The following DPP6 variants were observed in gnomAD, a reference collection of about 807,000 sequenced individuals.
The protein encoded by DPP6 is dipeptidyl peptidase like 6.
Under a neutral mutation model 122.6 loss-of-function variants are expected in DPP6, and 69 were observed. That is an observed-to-expected ratio of 0.56 (90% CI 0.46 to 0.69). The LOEUF (loss-of-function observed/expected upper bound fraction) is 0.69. DPP6 is among the 30% of genes least tolerant of loss of function. The probability of loss-of-function intolerance (pLI) is 0.00; values close to 1 mark genes in which losing one functional copy is unlikely to be tolerated. For synonymous variants in DPP6, 418 were observed against 433.1 expected, an observed-to-expected ratio of 0.97 and a Z score of 0.43; for missense variants, 928 against 1,116.9, an observed-to-expected ratio of 0.83 and a Z score of 2.41.
At chr7:154,345,798 C>T (rs1478370649) in intron 1 of DPP6, among the ~76,000 whole-genome samples, 1 of 152,204 alleles carries the variant, frequency 6.6e-6, no homozygotes, top group African/African-American at 2.4e-5. Flanking sequence ...CCTGTCTGTG[C>T]TACCCCTTGC....
At chr7:154,285,497 TC>T (rs1363777914) in intron 1 of DPP6, among the ~76,000 whole-genome samples, 1 of 152,216 alleles carries the variant, frequency 6.6e-6, no homozygotes, top group Admixed American at 6.5e-5. Flanking sequence ...ACTCCTGACT[TC>T]AGGTGATCTG....
intron 5 of DPP6, among the ~76,000 whole-genome samples, chr7:154,568,552 T>A (rs1217157915): frequency 6.6e-6 from 1 of 152,180 alleles, no homozygotes; most frequent in Non-Finnish European, 1.5e-5. Context: ...AGTGGTGCTG[T>A]GGTTCTGTGC....
chr7:154,154,723 G>A (rs1796594075), intron 1 of DPP6, among the ~76,000 whole-genome samples: 1 of 152,168 alleles, frequency 6.6e-6, no homozygotes, highest in Admixed American at 6.6e-5. Context: ...CCTAAGAAAT[G>A]GCCATAGAAT....
At chr7:154,427,277 A>G (rs957951530) in intron 1 of DPP6, among the ~76,000 whole-genome samples, 1 of 152,188 alleles carries the variant, frequency 6.6e-6, no homozygotes, top group Non-Finnish European at 1.5e-5. Context: ...AAAAAGCTTG[A>G]GATTAAGTGA....
intron 1 of DPP6, among the ~76,000 whole-genome samples, chr7:154,087,144 T>C (rs4067524): frequency 0.62 from 92,703 of 149,464 alleles, 29,062 homozygotes; most frequent in South Asian, 0.68. Flanking sequence ...AGAACATTGT[T>C]CATGCAAAGG....
In DPP6 at chr7:154,612,289, C is replaced by T. The variant is rs757578883; in HGVS notation, c.628-25532C>T. Among the ~76,000 whole-genome samples, 3 of 152,208 alleles carry T rather than the reference C, an allele frequency of 2.0e-5. No individual in the cohort carries two copies. The East Asian group carries it at 5.8e-4, about 29-fold the overall frequency. ...ACAGAGCAGTTCTGTCATGAGGACC[C>T]CTCGTGATACTCTGACAGCCACAGC... On this transcript the variant is annotated intron_variant, in intron 5 of 25. Transcript: ENST00000377770.
chr7:154,582,814 G>A (rs751116608), intron 5 of DPP6, among the ~76,000 whole-genome samples: 8 of 152,152 alleles, frequency 5.3e-5, no homozygotes, highest in Admixed American at 2.0e-4. Context: ...TCACTCTTCC[G>A]TGTGTCTCCC....
At chr7:154,762,680 GAGA>G (rs1325872155) in intron 8 of DPP6, among the ~76,000 whole-genome samples, 3 of 152,238 alleles carry the variant, frequency 2.0e-5, no homozygotes, top group African/African-American at 7.2e-5. Context: ...CTGTAGAAAA[GAGA>G]AGGCTTCCTG....
chr7:154,647,549 G>A (rs993542419), intron 6 of DPP6, among the ~76,000 whole-genome samples: 44 of 152,154 alleles, frequency 2.9e-4, no homozygotes, highest in African/African-American at 1.0e-3. Flanking sequence ...TCCACATCAA[G>A]GGGCACCAGA....
At chr7:154,720,372 A>G (rs1162130550) in intron 7 of DPP6, among the ~76,000 whole-genome samples, 2 of 152,240 alleles carry the variant, frequency 1.3e-5, no homozygotes, top group Non-Finnish European at 2.9e-5. Context: ...GGGGCTGGAT[A>G]GTCACACATG....
intron 8 of DPP6, among the ~76,000 whole-genome samples, chr7:154,747,152 TC>T (rs1843075007): frequency 1.3e-5 from 2 of 152,220 alleles, no homozygotes; most frequent in Admixed American, 1.3e-4. Context: ...CCCTATCCAG[TC>T]TGCTCCGTTT....
At chr7:154,133,591 C>T (rs1346225057) in intron 1 of DPP6, among the ~76,000 whole-genome samples, 2 of 152,150 alleles carry the variant, frequency 1.3e-5, no homozygotes, top group African/African-American at 2.4e-5. Flanking sequence ...TCGACTTCCT[C>T]ACATTATAGT....
At chr7:154,188,109 C>CGTAAAGACCGGGACAT (rs1563294313) in intron 1 of DPP6, among the ~76,000 whole-genome samples, 1 of 151,750 alleles carries the variant, frequency 6.6e-6, no homozygotes. Flanking sequence ...CTTCTGGTCA[C>CGTAAAGACCGGGACAT]GCGTAAAGAC....
intron 1 of DPP6, among the ~76,000 whole-genome samples, chr7:154,004,486 ACT>A (rs1365943823): frequency 6.6e-6 from 1 of 151,504 alleles, no homozygotes; most frequent in Admixed American, 6.6e-5. Flanking sequence ...GTCTTTGGAA[ACT>A]CTCGATGAAG....
chr7:153,994,735 A>G (rs184629232), intron 1 of DPP6, among the ~76,000 whole-genome samples: 322 of 152,284 alleles, frequency 2.1e-3, no homozygotes, highest in African/African-American at 7.3e-3. Context: ...AATTTTTTTT[A>G]GTTATAATAC....
chr7:154,319,845 G>A (rs1394036437), intron 1 of DPP6, among the ~76,000 whole-genome samples: 3 of 148,050 alleles, frequency 2.0e-5, no homozygotes, highest in African/African-American at 7.5e-5. Context: ...ACAAAAATTA[G>A]CTGGGCATGG....
At chr7:154,453,814 C>A (rs1464882237) in intron 2 of DPP6, among the ~76,000 whole-genome samples, 2 of 151,918 alleles carry the variant, frequency 1.3e-5, no homozygotes, top group Non-Finnish European at 2.9e-5. Flanking sequence ...TACTTTTATG[C>A]CTGCTTTTGT....
At chr7:154,525,316 A>G (rs1827313921) in intron 3 of DPP6, among the ~76,000 whole-genome samples, 1 of 152,042 alleles carries the variant, frequency 6.6e-6, no homozygotes, top group African/African-American at 2.4e-5. Context: ...GCTAACTTTT[A>G]AATTATTTTT....
intron 5 of DPP6, chr7:154,587,804 T>G (rs1220391867): frequency 1.2e-6 from 2 of 1,612,636 alleles, no homozygotes; most frequent in Non-Finnish European, 1.7e-6. Context: ...CGTGACTATG[T>G]CTCGGCAGTC....
Sources: gnomAD v4.1 joint callset for allele counts (sites outside exome capture counted in the v4.1 genomes callset) on GRCh38, gnomAD v4.1.1 for gene constraint, MANE v1.5 for transcripts, NCBI Gene and HGNC (gene_info 2026-07-23, HGNC 2026-07-21) for gene names.